WFDC10B: variants seen among roughly 807,000 people sequenced by gnomAD.
WFDC10B encodes WAP four-disulfide core domain 10B, also known as protein WFDC10B.
Under a neutral mutation model 2.7 loss-of-function variants are expected in WFDC10B, and 1 was observed. That is an observed-to-expected ratio of 0.38 (90% CI 0.13 to 1.79). The LOEUF (loss-of-function observed/expected upper bound fraction) is 1.79, where lower values mean the gene tolerates loss of function less well. WFDC10B is among the 40% of genes most tolerant of loss of function. The pLI is 0.33. For missense variants in WFDC10B, 71 were observed against 87.8 expected (o/e 0.81, Z 0.76); for synonymous variants, 26 against 32.2 (o/e 0.81, Z 0.65).
At chr20:45,697,038 A>T (rs981251313) in intron 2 of WFDC10B, among the ~76,000 whole-genome samples, 2 of 152,242 alleles carry the variant, frequency 1.3e-5, no homozygotes, top group Admixed American at 6.5e-5. Flanking sequence ...AAAGATCAAA[A>T]TCTTTCTCCC....
intron 2 of WFDC10B, among the ~76,000 whole-genome samples, chr20:45,699,823 C>T (rs560735691): frequency 4.4e-4 from 67 of 152,328 alleles, no homozygotes; most frequent in African/African-American, 1.5e-3. Flanking sequence ...GGACTACAGG[C>T]ATGTGCCACC....
chr20:45,703,632 A>G (rs1259025109), intron 2 of WFDC10B, among the ~76,000 whole-genome samples: 1 of 152,146 alleles, frequency 6.6e-6, no homozygotes, highest in Non-Finnish European at 1.5e-5. Flanking sequence ...GAGTCCAGGA[A>G]TAGAAAGGAG....
At chr20:45,703,304 G>T (rs557845977) in intron 2 of WFDC10B, among the ~76,000 whole-genome samples, 3 of 152,246 alleles carry the variant, frequency 2.0e-5, no homozygotes, top group Non-Finnish European at 4.4e-5. Flanking sequence ...GAGAGGCCAG[G>T]GGTGAGTACT....
intron 2 of WFDC10B, among the ~76,000 whole-genome samples, chr20:45,687,760 C>A (rs1983668422): frequency 6.6e-6 from 1 of 152,006 alleles, no homozygotes; most frequent in South Asian, 2.1e-4. Flanking sequence ...CTCTGATGTT[C>A]AGCTTTTTTT....
intron 2 of WFDC10B, among the ~76,000 whole-genome samples, chr20:45,703,521 C>T (rs1984258957): frequency 6.6e-6 from 1 of 152,094 alleles, no homozygotes; most frequent in Non-Finnish European, 1.5e-5. Context: ...AATAGAATGC[C>T]CCACTTTTGA....
intron 2 of WFDC10B, among the ~76,000 whole-genome samples, chr20:45,686,703 A>G (rs991759389): frequency 1.3e-5 from 2 of 151,104 alleles, no homozygotes; most frequent in African/African-American, 4.9e-5. Flanking sequence ...CTCACTCCAC[A>G]CCAGGCTGGA....
chr20:45,698,571 A>T (rs1280684340), intron 2 of WFDC10B, among the ~76,000 whole-genome samples: 1 of 151,532 alleles, frequency 6.6e-6, no homozygotes, highest in Non-Finnish European at 1.5e-5. Flanking sequence ...CTTATGACTC[A>T]AGAAGAAAAA....
At chr20:45,686,140 C>T in intron 2 of WFDC10B, 84 bp from the exon 3 acceptor site, 2 of 1,428,772 alleles carry the variant, frequency 1.4e-6, no homozygotes, top group Non-Finnish European at 9.2e-7. Flanking sequence ...GAGCAAGAGT[C>T]CTTGCTTCCT....
intron 2 of WFDC10B, among the ~76,000 whole-genome samples, chr20:45,698,982 A>G (rs6104297): frequency 0.18 from 25,806 of 145,514 alleles, 2,608 homozygotes; most frequent in East Asian, 0.31. Flanking sequence ...AAAAAAAAAG[A>G]AGAAGGAGGA....
chr20:45,691,159 T>C (rs1347817911), intron 2 of WFDC10B, among the ~76,000 whole-genome samples: 14 of 152,230 alleles, frequency 9.2e-5, no homozygotes, highest in Non-Finnish European at 2.1e-4. Flanking sequence ...AGTGAGTTTC[T>C]TAATGCTGAG....
chr20:45,687,772 A>T (rs1017397104), intron 2 of WFDC10B, among the ~76,000 whole-genome samples: 1 of 151,542 alleles, frequency 6.6e-6, no homozygotes, highest in Admixed American at 6.6e-5. Context: ...GCTTTTTTTC[A>T]TGTTTATCGG....
intron 2 of WFDC10B, among the ~76,000 whole-genome samples, chr20:45,692,126 G>A (rs759452166): frequency 6.6e-6 from 1 of 152,134 alleles, no homozygotes; most frequent in Admixed American, 6.5e-5. Context: ...GAAATTCTGG[G>A]TTGAAACTCT....
chr20:45,698,532 G>A (rs1455463385), intron 2 of WFDC10B, among the ~76,000 whole-genome samples: 2 of 150,764 alleles, frequency 1.3e-5, no homozygotes, highest in Non-Finnish European at 2.9e-5. Flanking sequence ...TCATCTATCT[G>A]GTGAGTATCC....
intron 3 of WFDC10B, among the ~76,000 whole-genome samples, chr20:45,685,191 C>T (rs886669784): frequency 6.6e-6 from 1 of 152,154 alleles, no homozygotes; most frequent in African/African-American, 2.4e-5. Flanking sequence ...GCCTGGGCTT[C>T]CTGGACTCTC....
At chr20:45,690,043 T>C (rs1440635554) in intron 2 of WFDC10B, among the ~76,000 whole-genome samples, 1 of 152,168 alleles carries the variant, frequency 6.6e-6, no homozygotes, top group Non-Finnish European at 1.5e-5. Flanking sequence ...TGAGAGTTTT[T>C]AGCATGAAGG....
At chr20:45,704,006 C>T (rs397522) in intron 2 of WFDC10B, among the ~76,000 whole-genome samples, 9,138 of 152,196 alleles carry the variant, frequency 0.06, 514 homozygotes, top group African/African-American at 0.13. Flanking sequence ...ACACAAATAA[C>T]CCATGTTAGG....
chr20:45,696,421 A>G (rs887988518), intron 2 of WFDC10B, among the ~76,000 whole-genome samples: 1 of 152,092 alleles, frequency 6.6e-6, no homozygotes, highest in Non-Finnish European at 1.5e-5. Context: ...AGAAAAATGG[A>G]ATAGGAAATA....
chr20:45,701,954 T>C, intron 2 of WFDC10B: 2 of 614,874 alleles, frequency 3.3e-6, no homozygotes, highest in South Asian at 4.0e-5. Flanking sequence ...GTGGGTGTGA[T>C]TGGGAGGTGC....
intron 2 of WFDC10B, among the ~76,000 whole-genome samples, chr20:45,689,188 C>T (rs1983726856): frequency 6.6e-6 from 1 of 150,640 alleles, no homozygotes; most frequent in East Asian, 2.0e-4. Flanking sequence ...CTGTTCTGTT[C>T]CATTGATCTA....
Sources: gnomAD v4.1 joint callset for allele counts (sites outside exome capture counted in the v4.1 genomes callset) on GRCh38, gnomAD v4.1.1 for gene constraint, MANE v1.5 for transcripts, NCBI Gene and HGNC (gene_info 2026-07-23, HGNC 2026-07-21) for gene names.